NF2: variants seen among roughly 807,000 people sequenced by gnomAD.
NF2 encodes the protein merlin.
A neutral mutation model predicts 83.7 loss-of-function variants in NF2; 8 were observed. The observed-to-expected ratio is 0.10, with a 90% CI of 0.06 to 0.17. The LOEUF (loss-of-function observed/expected upper bound fraction) is 0.17, where lower values mean the gene tolerates loss of function less well. Ranked by LOEUF, NF2 falls within the 10% of genes least tolerant of loss-of-function variation. The probability of loss-of-function intolerance (pLI) is 1.00; values close to 1 mark genes in which losing one functional copy is unlikely to be tolerated. For missense variants in NF2, 533 were observed against 744.4 expected (o/e 0.72, Z 3.31); for synonymous variants, 266 against 269.6 (o/e 0.99, Z 0.13).
chr22:29,643,407 C>T (rs1037456310), intron 4 of NF2, among the ~76,000 whole-genome samples: 1 of 151,760 alleles, frequency 6.6e-6, no homozygotes. Flanking sequence ...GAACAAAGGT[C>T]TCTGGTTTTC....
rs2067546353 is a variant in NF2 at position 29,696,114 on chromosome 22, C to A, written c.*1312C>A. 4.5e-6 allele frequency: 1 copy of A among 222,084 alleles called. No homozygotes were observed. Among genetic ancestry groups the A allele is most frequent in the Non-Finnish European group, 8.8e-6 (1 of 113,238 alleles). The allele number at this position is 222,084 out of a possible 1,614,324, so 13.8% of individuals were successfully genotyped here. ...TCCGAGATGGAGTCTCTCTCTGTCACCCAGGTGGGAGTGTGGTGGCACAAT... is the reference window on the plus strand; with the variant it reads ...TCCGAGATGGAGTCTCTCTCTGTCAACCAGGTGGGAGTGTGGTGGCACAAT... On this transcript the variant is annotated 3_prime_UTR_variant, in exon 16 of 16. Transcript: ENST00000338641.
chr22:29,643,933 C>T (rs1160418709), intron 4 of NF2, among the ~76,000 whole-genome samples: 1 of 131,990 alleles, frequency 7.6e-6, no homozygotes, highest in African/African-American at 2.8e-5. Context: ...ACCCCCCAAC[C>T]TCCCTCCCGG....
At chr22:29,687,764 A>G (rs1035680050) in intron 15 of NF2, among the ~76,000 whole-genome samples, 4 of 152,168 alleles carry the variant, frequency 2.6e-5, no homozygotes, top group Non-Finnish European at 5.9e-5. Context: ...AGAGCAAGGC[A>G]GGGGTGAGAG....
Position 29,653,834 on chromosome 22 carries a change from T to C in NF2, c.448-823T>C, listed in dbSNP as rs755098111. ...ATAGATTATACTGAAGTACTGAGCT[T>C]TGTTGTTTTTGGTAAAATGAAGAGC... On this transcript the variant is annotated intron_variant, in intron 4 of 15. Transcript: ENST00000338641. Among the ~76,000 whole-genome samples, 91 of 152,334 alleles carry C rather than the reference T, an allele frequency of 6.0e-4. 1 individual carries two copies. Among genetic ancestry groups the C allele is most frequent in the Non-Finnish European group, 1.2e-3 (80 of 68,024 alleles).
intron 3 of NF2, among the ~76,000 whole-genome samples, chr22:29,639,919 G>A (rs996233822): frequency 1.2e-4 from 17 of 147,500 alleles, no homozygotes; most frequent in African/African-American, 4.2e-4. Flanking sequence ...GACTTCAGCC[G>A]GGCGGGTTGG....
intron 14 of NF2, among the ~76,000 whole-genome samples, chr22:29,680,268 C>T (rs531069592): frequency 1.1e-4 from 17 of 152,140 alleles, no homozygotes; most frequent in Non-Finnish European, 2.1e-4. Context: ...CATGCTATCA[C>T]GCCCAGCTAA....
At chr22:29,622,217 T>C (rs971690021) in intron 1 of NF2, among the ~76,000 whole-genome samples, 3 of 152,226 alleles carry the variant, frequency 2.0e-5, no homozygotes, top group Non-Finnish European at 2.9e-5. Flanking sequence ...CTCAAAAGCA[T>C]TTTGTAAACT....
Position 29,661,136 on chromosome 22 carries a change from T to C in NF2, c.676-69T>C. On this transcript the variant is annotated intron_variant, in intron 7 of 15. Transcript: ENST00000338641. Reference sequence around the variant, plus strand: ...ACATGTGACAGTGTGTGCCAGATTCTTTGGAAGGTTGAATAAAATTTTGAG... The same window carrying C: ...ACATGTGACAGTGTGTGCCAGATTCCTTGGAAGGTTGAATAAAATTTTGAG... The C allele has an allele frequency of 4.3e-6, 7 of 1,609,250 alleles. No homozygotes were observed. In the South Asian group the frequency reaches 7.7e-5, roughly 18 times the overall value.
intron 1 of NF2, among the ~76,000 whole-genome samples, chr22:29,624,657 T>C (rs1379856516): frequency 6.6e-6 from 1 of 152,306 alleles, no homozygotes; most frequent in East Asian, 1.9e-4. Flanking sequence ...AGAAGCACTG[T>C]GAATTTTCTC....
intron 15 of NF2, chr22:29,683,666 G>A (rs1330736427): frequency 9.3e-7 from 1 of 1,078,972 alleles, no homozygotes; most frequent in Non-Finnish European, 1.1e-6. Context: ...GGAGTGGACT[G>A]TCTGTTCATC....
chr22:29,642,027 T>C (rs182019231), intron 3 of NF2, among the ~76,000 whole-genome samples, 175 bp from the exon 4 acceptor site: 11 of 152,314 alleles, frequency 7.2e-5, no homozygotes, highest in African/African-American at 2.6e-4. Context: ...CTTCTGTGAC[T>C]GAACTCTCCA....
At chr22:29,655,394 T>C (rs1439759817) in intron 5 of NF2, among the ~76,000 whole-genome samples, 200 bp from the exon 6 acceptor site, 1 of 152,228 alleles carries the variant, frequency 6.6e-6, no homozygotes, top group African/African-American at 2.4e-5. Context: ...GTCTGAGTTA[T>C]CATGCAGCTT....
chr22:29,624,805 C>CTTTCTTTCTTTCT (rs1555983540), intron 1 of NF2, among the ~76,000 whole-genome samples: 6 of 35,684 alleles, frequency 1.7e-4, no homozygotes, highest in African/African-American at 7.6e-4. Flanking sequence ...GGTCCTCTTT[C>CTTTCTTTCTTTCT]TTTCTTTCTT....
chr22:29,621,897 T>G (rs1294525466), intron 1 of NF2, among the ~76,000 whole-genome samples: 1 of 152,152 alleles, frequency 6.6e-6, no homozygotes, highest in Non-Finnish European at 1.5e-5. Flanking sequence ...CTCATTCTCC[T>G]TCTAGGCTCT....
rs543087642 is a variant in NF2 at position 29,658,263 on chromosome 22, G to A, written c.674G>A (p.Arg225Gln). 1.9e-6 allele frequency: 3 copies of A among 1,613,976 alleles called. No homozygotes were observed. Among genetic ancestry groups the A allele is most frequent in the Admixed American group, 1.7e-5 (1 of 60,018 alleles). ...TACGGTGTGAACTACTTTGCAATCC[G>A]GGTGTGTTGAAACCTCTCTGAGCTC... ...EMYGVNYFAI[R>Q]NKKGTELLLG... Residue 225 changes from arginine to glutamine, a missense_variant and splice_region_variant, in exon 7 of 16, where the codon CGG (arginine) becomes CAG (glutamine). Physicochemically the swap from Arg to Gln is conservative, Grantham distance 43. Around this residue, in one of 3 missense-constraint regions of NF2, gnomAD observed 326 missense variants for 475.1 expected, o/e 0.69. Transcript: ENST00000338641.
chr22:29,607,540 G>GA (rs2064830905), intron 1 of NF2, among the ~76,000 whole-genome samples: 1 of 152,186 alleles, frequency 6.6e-6, no homozygotes. Flanking sequence ...TGGCCCTGGA[G>GA]AGGGGGTACC....
intron 1 of NF2, among the ~76,000 whole-genome samples, chr22:29,615,520 G>A (rs930932695): frequency 1.3e-5 from 2 of 152,182 alleles, no homozygotes; most frequent in African/African-American, 4.8e-5. Context: ...AGTGAGGCAT[G>A]ACTGCACCAC....
chr22:29,604,401 C>G (rs2064729224), intron 1 of NF2, among the ~76,000 whole-genome samples: 1 of 152,164 alleles, frequency 6.6e-6, no homozygotes, highest in Non-Finnish European at 1.5e-5. Context: ...CGCTTAAAAG[C>G]TTGAAAGTTT....
chr22:29,665,914 A>G (rs1278859674), intron 9 of NF2, among the ~76,000 whole-genome samples: 1 of 152,168 alleles, frequency 6.6e-6, no homozygotes, highest in African/African-American at 2.4e-5. Context: ...TTGCTTTTCA[A>G]CAGAATTTTA....
Sources: gnomAD v4.1 joint callset for allele counts (sites outside exome capture counted in the v4.1 genomes callset) on GRCh38, gnomAD v4.1.1 for gene constraint, gnomAD v4.1.1 regional missense constraint, MANE v1.5 for transcripts, NCBI Gene and HGNC (gene_info 2026-07-23, HGNC 2026-07-21) for gene names.